SLC16A7: variants seen among roughly 807,000 people sequenced by gnomAD.
The protein encoded by SLC16A7 is solute carrier family 16 member 7, also known as monocarboxylate transporter 2.
SLC16A7 carries 33 observed loss-of-function variants against 34.9 expected under a neutral mutation model. That is an observed-to-expected ratio of 0.94 (90% CI 0.72 to 1.26). The LOEUF is 1.26. Ranked by LOEUF, SLC16A7 falls within the 50% of genes most tolerant of loss-of-function variation. The probability of loss-of-function intolerance (pLI) is 0.00; values close to 1 mark genes in which losing one functional copy is unlikely to be tolerated. For missense variants in SLC16A7, 573 were observed against 578.1 expected (o/e 0.99, Z 0.09); for synonymous variants, 201 against 206.6 (o/e 0.97, Z 0.23).
intron 2 of SLC16A7, among the ~76,000 whole-genome samples, chr12:59,675,677 C>T (rs954027114): frequency 6.6e-6 from 1 of 151,990 alleles, no homozygotes; most frequent in Non-Finnish European, 1.5e-5. Context: ...ATAATTGTGC[C>T]ACAGTCTGAA....
chr12:59,750,593 C>T (rs1373316519), intron 3 of SLC16A7, among the ~76,000 whole-genome samples: 3 of 152,156 alleles, frequency 2.0e-5, no homozygotes, highest in Non-Finnish European at 4.4e-5. Context: ...GAAATAGGAA[C>T]ACTTTTACAC....
At chr12:59,739,418 C>T (rs923340959) in intron 3 of SLC16A7, among the ~76,000 whole-genome samples, 13 of 137,474 alleles carry the variant, frequency 9.5e-5, no homozygotes, top group Middle Eastern at 3.6e-3. Flanking sequence ...GTATATGTGC[C>T]ACATTTTCTG....
chr12:59,666,042 T>G (rs1869173679), intron 2 of SLC16A7, among the ~76,000 whole-genome samples: 1 of 152,162 alleles, frequency 6.6e-6, no homozygotes, highest in South Asian at 2.1e-4. Flanking sequence ...AGGCAATGAT[T>G]GATGATTTTA....
chr12:59,660,262 A>G (rs1394930851), intron 2 of SLC16A7, among the ~76,000 whole-genome samples: 2 of 152,056 alleles, frequency 1.3e-5, no homozygotes, highest in Non-Finnish European at 2.9e-5. Context: ...TCACAATGCC[A>G]GTCCAGGGCA....
intron 3 of SLC16A7, among the ~76,000 whole-genome samples, chr12:59,769,485 G>GTTGT (rs1882014722): frequency 6.6e-6 from 1 of 151,932 alleles, no homozygotes; most frequent in Admixed American, 6.6e-5. Context: ...TCCAAACCCT[G>GTTGT]TTGTTTTTAT....
intron 3 of SLC16A7, among the ~76,000 whole-genome samples, chr12:59,738,883 T>G (rs552563337): frequency 6.6e-6 from 1 of 151,676 alleles, no homozygotes; most frequent in Non-Finnish European, 1.5e-5. Flanking sequence ...TTATAAACTA[T>G]TGCTATTTTT....
At position 59,676,480 on chromosome 12, in the gene SLC16A7, T is replaced by G. The variant is rs907201675; in HGVS notation, c.-31+21230T>G. 1.3e-4 allele frequency among the ~76,000 whole-genome samples: 20 copies of G among 152,204 alleles called. 1 individual carries two copies. Among genetic ancestry groups the G allele is most frequent in the African/African-American group, 4.8e-4 (20 of 41,560 alleles). Reference sequence around the variant, plus strand: ...CAAACTATTACTCACATAAAATCTATTCAGTAATAATGGATTTTTTTAACC... The same window carrying G: ...CAAACTATTACTCACATAAAATCTAGTCAGTAATAATGGATTTTTTTAACC... On this transcript the variant is annotated intron_variant, in intron 2 of 5. Transcript: ENST00000547379.
chr12:59,604,401 G>T (rs1481038460), intron 1 of SLC16A7, among the ~76,000 whole-genome samples: 1 of 152,122 alleles, frequency 6.6e-6, no homozygotes, highest in Non-Finnish European at 1.5e-5. Flanking sequence ...GATTGTAATT[G>T]GAAATTAGCC....
chr12:59,610,498 A>C (rs1234338818), intron 1 of SLC16A7, among the ~76,000 whole-genome samples: 1 of 152,202 alleles, frequency 6.6e-6, no homozygotes, highest in African/African-American at 2.4e-5. Flanking sequence ...TGAGTGCTTG[A>C]TTATACCTTA....
chr12:59,786,776 G>A lies in SLC16A7; in HGVS notation c.*7097G>A, dbSNP rs1027979354. The A allele has an allele frequency of 6.6e-6, 1 of 152,078 alleles. No homozygotes were observed. The highest frequency in any genetic ancestry group is 2.4e-5 in the African/African-American group (1 of 41,410). 9.4% of individuals were successfully genotyped at this position (152,078 alleles called of 1,614,324 possible). ...ATGCAGGGTTGGAGATAGAATTCAG[G>A]TCTTTTAACTTCTAACACACTTTTT... On this transcript the variant is annotated 3_prime_UTR_variant, in exon 6 of 6. Coordinates refer to ENST00000547379, the MANE Select transcript of SLC16A7 (RefSeq NM_001270623.2).
At chr12:59,599,969 G>A (rs1039756305) in intron 1 of SLC16A7, among the ~76,000 whole-genome samples, 3 of 152,122 alleles carry the variant, frequency 2.0e-5, no homozygotes, top group Admixed American at 6.5e-5. Context: ...GCTTGGGACA[G>A]GACAGGGCAG....
At chr12:59,684,962 T>C (rs1871039540) in intron 2 of SLC16A7, among the ~76,000 whole-genome samples, 1 of 152,140 alleles carries the variant, frequency 6.6e-6, no homozygotes, top group African/African-American at 2.4e-5. Context: ...TTTGGTGTGG[T>C]ACAGGTATGC....
chr12:59,712,314 T>C (rs910664743), intron 3 of SLC16A7, among the ~76,000 whole-genome samples: 3 of 152,188 alleles, frequency 2.0e-5, no homozygotes, highest in African/African-American at 7.2e-5. Context: ...AAGAAATAAA[T>C]AGGGTCAATA....
chr12:59,694,504 CTTT>C (rs1238685728), intron 2 of SLC16A7, among the ~76,000 whole-genome samples: 1 of 151,862 alleles, frequency 6.6e-6, no homozygotes, highest in Non-Finnish European at 1.5e-5. Flanking sequence ...CTCCTGCCTT[CTTT>C]ATTATTGTTA....
chr12:59,685,097 T>C (rs1450652279), intron 2 of SLC16A7, among the ~76,000 whole-genome samples: 2 of 152,134 alleles, frequency 1.3e-5, no homozygotes, highest in Non-Finnish European at 2.9e-5. Context: ...GTGTTTAGGA[T>C]GATGGTTCTT....
chr12:59,663,034 T>TTTCTGTC (rs1203307447), intron 2 of SLC16A7, among the ~76,000 whole-genome samples: 2 of 152,048 alleles, frequency 1.3e-5, no homozygotes, highest in East Asian at 3.9e-4. Context: ...TGTCAGTGGA[T>TTTCTGTC]AGTATTTTTT....
intron 2 of SLC16A7, among the ~76,000 whole-genome samples, chr12:59,703,679 A>T (rs1873156478): frequency 6.6e-6 from 1 of 152,120 alleles, no homozygotes; most frequent in Non-Finnish European, 1.5e-5. Context: ...TGGCTCCATC[A>T]GAGCTCACTG....
intron 5 of SLC16A7, among the ~76,000 whole-genome samples, chr12:59,778,790 A>T (rs540715819): frequency 6.6e-6 from 1 of 152,274 alleles, no homozygotes; most frequent in African/African-American, 2.4e-5. Flanking sequence ...TCTGCAGAGT[A>T]GTTAAGAATG....
chr12:59,637,300 G>A (rs920873537), intron 1 of SLC16A7, among the ~76,000 whole-genome samples: 1 of 152,036 alleles, frequency 6.6e-6, no homozygotes, highest in African/African-American at 2.4e-5. Flanking sequence ...CATGCCCAGA[G>A]CTCAAAAGAA....
Sources: gnomAD v4.1 joint callset for allele counts (sites outside exome capture counted in the v4.1 genomes callset) on GRCh38, gnomAD v4.1.1 for gene constraint, MANE v1.5 for transcripts, NCBI Gene and HGNC (gene_info 2026-07-23, HGNC 2026-07-21) for gene names.